Variants in CEP89 observed in about 807,000 individuals in gnomAD.
The protein encoded by CEP89 is centrosomal protein 89, also known as centrosomal protein of 89 kDa.
CEP89 carries 95 observed loss-of-function variants against 97.6 expected under a neutral mutation model. That is an observed-to-expected ratio of 0.97 (90% CI 0.82 to 1.15). The LOEUF (loss-of-function observed/expected upper bound fraction) is 1.15. Among genes scored for constraint, CEP89 ranks in the 50% most tolerant of loss-of-function variants. The probability of loss-of-function intolerance (pLI) is 0.00; values close to 1 mark genes in which losing one functional copy is unlikely to be tolerated. For missense variants in CEP89, 869 were observed against 947.7 expected (o/e 0.92, Z 1.09); for synonymous variants, 354 against 349.1 (o/e 1.01, Z -0.16).
At chr19:32,892,117 C>CAT (rs1969532827) in intron 16 of CEP89, among the ~76,000 whole-genome samples, 2 of 141,638 alleles carry the variant, frequency 1.4e-5, no homozygotes, top group African/African-American at 5.4e-5. Context: ...TTTAGACATA[C>CAT]ATATATTTAG....
At chr19:32,951,638 A>G (rs2145955750) in intron 4 of CEP89, among the ~76,000 whole-genome samples, 1 of 152,030 alleles carries the variant, frequency 6.6e-6, no homozygotes, top group East Asian at 1.9e-4. Context: ...GATGCACTCC[A>G]AATCCAAGAA....
At position 32,876,787 on chromosome 19, in the gene CEP89, C is replaced by G. The variant is rs1256179745; in HGVS notation, c.*2375G>C. On this transcript the variant is annotated 3_prime_UTR_variant, in exon 19 of 19. Transcript: ENST00000305768. Reference sequence around the variant, plus strand: ...GGCAGAAGATAGTGTCTGTGGGACACCTGCCCTTGCCCTGGTCACAGTGCC... The same window carrying G: ...GGCAGAAGATAGTGTCTGTGGGACAGCTGCCCTTGCCCTGGTCACAGTGCC... The G allele has an allele frequency of 6.6e-6, 1 of 152,262 alleles. No individual in the cohort carries two copies. Among genetic ancestry groups the G allele is most frequent in the Admixed American group, 6.5e-5 (1 of 15,284 alleles). 9.4% of individuals were successfully genotyped at this position (152,262 alleles called of 1,614,324 possible).
At chr19:32,935,672 T>C (rs949364320) in intron 7 of CEP89, among the ~76,000 whole-genome samples, 10 of 152,160 alleles carry the variant, frequency 6.6e-5, no homozygotes, top group Admixed American at 6.5e-4. Context: ...GCAGTGACAC[T>C]GATGGCAGCA....
intron 4 of CEP89, among the ~76,000 whole-genome samples, chr19:32,949,769 G>C (rs1010453665): frequency 2.0e-5 from 3 of 152,022 alleles, no homozygotes; most frequent in African/African-American, 7.2e-5. Flanking sequence ...GTAAAATCTT[G>C]CTTTTGTGAT....
At chr19:32,885,274 G>T (rs1173101106) in intron 17 of CEP89, among the ~76,000 whole-genome samples, 1 of 152,050 alleles carries the variant, frequency 6.6e-6, no homozygotes, top group Non-Finnish European at 1.5e-5. Context: ...TATATTCTTC[G>T]CTCACTACAA....
intron 2 of CEP89, among the ~76,000 whole-genome samples, chr19:32,961,296 C>A (rs1971161586): frequency 6.6e-6 from 1 of 151,898 alleles, no homozygotes; most frequent in South Asian, 2.1e-4. Flanking sequence ...CCCGGCCAGG[C>A]ACAGTGGCTC....
intron 12 of CEP89, among the ~76,000 whole-genome samples, chr19:32,921,170 C>T (rs533468454): frequency 1.7e-4 from 25 of 150,814 alleles, no homozygotes; most frequent in Middle Eastern, 3.4e-3. Flanking sequence ...TGCAGTGAGT[C>T]GAGATCGCGC....
At chr19:32,915,302 A>AG in intron 14 of CEP89, 35 bp downstream of exon 14, 1 of 1,230,512 alleles carries the variant, frequency 8.1e-7, no homozygotes, top group South Asian at 1.6e-5. Context: ...CGAAAAAAGA[A>AG]AAAAAAAAAA....
At chr19:32,942,961 TCAGCCTCCAGCTGC>T (rs1348518029) in intron 5 of CEP89, among the ~76,000 whole-genome samples, 8 of 150,986 alleles carry the variant, frequency 5.3e-5, no homozygotes, top group African/African-American at 1.9e-4. Context: ...TCTTCCTGCC[TCAGCCTCCAGCTGC>T]CAGGCTCAGA....
At chr19:32,915,918 G>GAA (rs67539579) in intron 13 of CEP89, among the ~76,000 whole-genome samples, 10 of 119,684 alleles carry the variant, frequency 8.4e-5, no homozygotes, top group African/African-American at 2.0e-4. Flanking sequence ...GACTCTCTCA[G>GAA]AAAAAAAAAA....
intron 8 of CEP89, among the ~76,000 whole-genome samples, chr19:32,932,177 TCTCACAAAAAAAAAAAAA>T: frequency 7.3e-6 from 1 of 137,390 alleles, no homozygotes; most frequent in South Asian, 2.3e-4. Context: ...GGAGACTCCA[TCTCACAAAAAAAAAAAAA>T]GAAAGAGAAA....
intron 15 of CEP89, among the ~76,000 whole-genome samples, 169 bp downstream of exon 15, chr19:32,901,076 G>A (rs998224725): frequency 2.6e-5 from 4 of 151,490 alleles, no homozygotes; most frequent in African/African-American, 7.3e-5. Context: ...TAGTAGAGAC[G>A]GGGTTTTGCC....
At chr19:32,954,605 A>G (rs1427612783) in intron 3 of CEP89, among the ~76,000 whole-genome samples, 1 of 151,112 alleles carries the variant, frequency 6.6e-6, no homozygotes, top group African/African-American at 2.4e-5. Flanking sequence ...CGCCTGCCTC[A>G]GCCTCCTAAA....
intron 15 of CEP89, among the ~76,000 whole-genome samples, chr19:32,900,765 T>C (rs1391694358): frequency 6.6e-6 from 1 of 152,182 alleles, no homozygotes; most frequent in Non-Finnish European, 1.5e-5. Flanking sequence ...TTAACATTGG[T>C]TAACAGCAAC....
intron 5 of CEP89, among the ~76,000 whole-genome samples, chr19:32,946,063 T>C (rs1043176259): frequency 7.9e-5 from 12 of 152,210 alleles, no homozygotes; most frequent in African/African-American, 2.9e-4. Context: ...TTCTTCAGTA[T>C]TCTCTTTACT....
intron 8 of CEP89, among the ~76,000 whole-genome samples, chr19:32,932,352 A>G (rs1215506344): frequency 3.3e-5 from 5 of 152,134 alleles, no homozygotes; most frequent in African/African-American, 7.2e-5. Flanking sequence ...TGTGCCTAAG[A>G]TAAGAATTAT....
chr19:32,920,016 T>C (rs1437728371), intron 12 of CEP89, among the ~76,000 whole-genome samples: 1 of 152,114 alleles, frequency 6.6e-6, no homozygotes. Context: ...CCTTCCTTCC[T>C]CCCTTCCTTC....
intron 16 of CEP89, among the ~76,000 whole-genome samples, chr19:32,899,487 A>C (rs556339542): frequency 3.9e-5 from 6 of 152,298 alleles, no homozygotes; most frequent in Middle Eastern, 3.4e-3. Context: ...ACAGGGCTAC[A>C]TCCTGATAAA....
At chr19:32,889,391 C>T (rs1294545428) in intron 16 of CEP89, among the ~76,000 whole-genome samples, 1 of 152,210 alleles carries the variant, frequency 6.6e-6, no homozygotes, top group Admixed American at 6.5e-5. Context: ...TGGAAGAAAG[C>T]AGCTCTCCCA....
Sources: allele counts gnomAD v4.1 joint callset (sites outside exome capture counted in the v4.1 genomes callset), GRCh38; gene constraint gnomAD v4.1.1; transcripts MANE v1.5; gene names NCBI Gene and HGNC (gene_info 2026-07-23, HGNC 2026-07-21).